Variants in TTC6 observed in about 807,000 individuals in gnomAD.
TTC6 encodes the protein tetratricopeptide repeat domain 6.
A neutral mutation model predicts 210.4 loss-of-function variants in TTC6; 172 were observed. The observed-to-expected ratio is 0.82, with a 90% CI of 0.72 to 0.93. TTC6 has a LOEUF of 0.93. Ranked by LOEUF, TTC6 falls within the 40% of genes least tolerant of loss-of-function variation. TTC6 has a pLI of 0.00. For synonymous variants in TTC6, 804 were observed against 819.6 expected, an observed-to-expected ratio of 0.98 and a Z score of 0.32; for missense variants, 2,414 against 2,318.1, an observed-to-expected ratio of 1.04 and a Z score of -0.85.
intron 21 of TTC6, 72 bp downstream of exon 23, chr14:37,804,886 C>A: frequency 6.4e-7 from 1 of 1,560,986 alleles, no homozygotes; most frequent in South Asian, 1.2e-5. Context: ...AATTCTGTTT[C>A]TGAAGGCCAC....
At chr14:37,759,011 G>T (rs972401571) in intron 14 of TTC6, among the ~76,000 whole-genome samples, 1 of 152,160 alleles carries the variant, frequency 6.6e-6, no homozygotes, top group African/African-American at 2.4e-5. Context: ...GGTGGCTCAC[G>T]CCTGTAATCC....
At chr14:37,676,797 C>G (rs917188297) in intron 1 of TTC6, among the ~76,000 whole-genome samples, 2 of 151,942 alleles carry the variant, frequency 1.3e-5, no homozygotes, top group Non-Finnish European at 2.9e-5. Flanking sequence ...TTCAGTTGCC[C>G]CAGCACCATT....
Position 37,796,293 on chromosome 14 carries a change from G to C in TTC6, c.3792-1G>C. The stretch of plus-strand genomic sequence containing the variant: ...GAATCAAAATCGATTATTTCTTCCA[G>C]AGGACAATATCTTCTTATGATGAAA... On this transcript the variant is annotated splice_acceptor_variant, in intron 18 of 30. Transcript: ENST00000553443. LOFTEE classifies it high-confidence loss of function. 8.1e-7 allele frequency: 1 copy of C among 1,238,146 alleles called. No individual in the cohort carries two copies. The highest frequency in any genetic ancestry group is 1.1e-6 in the Non-Finnish European group (1 of 886,972). The allele number at this position is 1,238,146 out of a possible 1,614,324, so 76.7% of individuals were successfully genotyped here.
At chr14:37,674,207 T>G (rs182389041) in intron 1 of TTC6, among the ~76,000 whole-genome samples, 1 of 152,104 alleles carries the variant, frequency 6.6e-6, no homozygotes, top group East Asian at 1.9e-4. Flanking sequence ...TTTGTTCCTT[T>G]TCTCATTTTC....
chr14:37,697,384 T>C (rs927249081), intron 4 of TTC6, among the ~76,000 whole-genome samples: 1 of 152,136 alleles, frequency 6.6e-6, no homozygotes, highest in Non-Finnish European at 1.5e-5. Context: ...ATTTAGATTA[T>C]GATTTACATT....
rs556564429 is a variant in TTC6, at chr14:37,832,822, G to T, written c.5298+5456G>T. ...TGCCTATAATCCCAGCACTTTGGGA[G>T]GCCAAGGTGGGCAGATCACGAGGTC... On this transcript the variant is annotated intron_variant, in intron 29 of 30. Transcript: ENST00000553443. 2.6e-3 allele frequency among the ~76,000 whole-genome samples: 396 copies of T among 152,186 alleles called. 5 individuals carry two copies. Among genetic ancestry groups the T allele is most frequent in the Non-Finnish European group, 1.7e-3 (117 of 68,012 alleles).
At chr14:37,712,554 T>C (rs2095846264) in intron 5 of TTC6, among the ~76,000 whole-genome samples, 1 of 152,202 alleles carries the variant, frequency 6.6e-6, no homozygotes, top group South Asian at 2.1e-4. Context: ...GGAGGCTTAA[T>C]TGACTCACAG....
rs75156069 is a variant in TTC6 at position 37,623,565 on chromosome 14, G to C, written c.939+562G>C. 1.1e-4 allele frequency among the ~76,000 whole-genome samples: 16 copies of C among 152,260 alleles called. No homozygotes were observed. The East Asian group carries it at 3.1e-3, about 29-fold the overall frequency. ...GCTTCTTGTGTGCCAAACTCTATGG[G>C]ACACACTTTACATGCATTTTTGTCC... On this transcript the variant is annotated intron_variant, in intron 1 of 30. Transcript: ENST00000553443.
intron 5 of TTC6, among the ~76,000 whole-genome samples, chr14:37,702,669 A>C (rs1390815520): frequency 6.6e-6 from 1 of 152,200 alleles, no homozygotes; most frequent in African/African-American, 2.4e-5. Flanking sequence ...GTATATGAGA[A>C]TACTATTCTA....
intron 1 of TTC6, among the ~76,000 whole-genome samples, chr14:37,675,093 A>G (rs1189812761): frequency 6.6e-6 from 1 of 152,076 alleles, no homozygotes. Flanking sequence ...TATAATGTAA[A>G]ATTAACCATC....
At chr14:37,750,976 G>C in intron 12 of TTC6, 77 bp from the exon 15 acceptor site, 1 of 836,190 alleles carries the variant, frequency 1.2e-6, no homozygotes, top group Admixed American at 3.2e-5. Flanking sequence ...TTTGTGGAGG[G>C]AGAGGGATTA....
intron 15 of TTC6, among the ~76,000 whole-genome samples, chr14:37,789,371 C>A (rs545650432): frequency 6.6e-6 from 1 of 151,748 alleles, no homozygotes; most frequent in African/African-American, 2.4e-5. Flanking sequence ...AGCAGCCACC[C>A]AAACTGCAGC....
At chr14:37,809,429 T>G (rs1173385015) in intron 24 of TTC6, among the ~76,000 whole-genome samples, 2 of 152,088 alleles carry the variant, frequency 1.3e-5, no homozygotes, top group East Asian at 3.9e-4. Flanking sequence ...ATTTTTTGTA[T>G]TTTTAGTAGA....
chr14:37,753,386 C>T (rs2095958241), intron 14 of TTC6, among the ~76,000 whole-genome samples, 151 bp downstream of exon 16: 1 of 152,174 alleles, frequency 6.6e-6, no homozygotes, highest in Non-Finnish European at 1.5e-5. Context: ...TCCTTGCTTA[C>T]ACCCTAATGG....
At chr14:37,696,053 T>C (rs2095814229) in intron 3 of TTC6, among the ~76,000 whole-genome samples, 1 of 152,202 alleles carries the variant, frequency 6.6e-6, no homozygotes, top group South Asian at 2.1e-4. Flanking sequence ...CATTGAACTT[T>C]CTTTATTCTT....
At chr14:37,641,521 A>G (rs2095691748) in intron 1 of TTC6, among the ~76,000 whole-genome samples, 2 of 152,178 alleles carry the variant, frequency 1.3e-5, no homozygotes, top group Admixed American at 1.3e-4. Flanking sequence ...TTTTATAAGT[A>G]CCTGGTTTTC....
At chr14:37,765,002 T>C (rs1257452248) in intron 14 of TTC6, among the ~76,000 whole-genome samples, 1 of 151,980 alleles carries the variant, frequency 6.6e-6, no homozygotes, top group Non-Finnish European at 1.5e-5. Flanking sequence ...TAATTTTTAG[T>C]TATTGTCTTT....
intron 1 of TTC6, among the ~76,000 whole-genome samples, chr14:37,646,082 G>A (rs1164484262): frequency 6.6e-6 from 1 of 152,136 alleles, no homozygotes; most frequent in African/African-American, 2.4e-5. Flanking sequence ...AGGAACCATA[G>A]TGTGTATGAA....
In TTC6 at chr14:37,759,869, C is replaced by T. The variant is rs756295471; in HGVS notation, c.3266+6634C>T. On this transcript the variant is annotated intron_variant, in intron 14 of 30. Transcript: ENST00000553443. The stretch of plus-strand genomic sequence containing the variant: ...TCCATCAGGTCATTTATCTTCTTCT[C>T]GAAATTGGTTATTCTAGTTAGCAGT... 5.3e-5 allele frequency among the ~76,000 whole-genome samples: 8 copies of T among 152,276 alleles called. No individual in the cohort carries two copies. In the East Asian group the frequency reaches 5.8e-4, roughly 11 times the overall value.
Sources: allele counts gnomAD v4.1 joint callset (sites outside exome capture counted in the v4.1 genomes callset), GRCh38; gene constraint gnomAD v4.1.1; transcripts MANE v1.5; gene names NCBI Gene and HGNC (gene_info 2026-07-23, HGNC 2026-07-21).